PTGES: variants seen among roughly 807,000 people sequenced by gnomAD.
The protein encoded by PTGES is prostaglandin E synthase, also known as MGST1-like 1.
PTGES carries 3 observed loss-of-function variants against 11.8 expected under a neutral mutation model. The ratio of observed to expected loss-of-function variants is 0.25; its 90% CI spans 0.12 to 0.66. PTGES has a LOEUF of 0.66. Ranked by LOEUF, PTGES falls within the 30% of genes least tolerant of loss-of-function variation. PTGES has a pLI of 0.82. For synonymous variants in PTGES, 94 were observed against 90.4 expected, an observed-to-expected ratio of 1.04 and a Z score of -0.22; for missense variants, 180 against 213.0, an observed-to-expected ratio of 0.85 and a Z score of 0.96.
chr9:129,739,406 A>AG lies in PTGES; in HGVS notation c.*204dup. The stretch of plus-strand genomic sequence containing the variant: ...ATCAGCCACTTCGTGCAGGAATCCA[A>AG]GGGGCTAAGAAACATACACACACAC... On this transcript the variant is annotated 3_prime_UTR_variant, in exon 3 of 3. Coordinates refer to ENST00000340607, the MANE Select transcript of PTGES (RefSeq NM_004878.5). This position sits in a 1 kb window ranked among gnomAD's most constrained non-coding sequence, Gnocchi z 5.7. 1.5e-6 allele frequency: 1 copy of AG among 660,096 alleles called. No homozygotes were observed. Among genetic ancestry groups the AG allele is most frequent in the Non-Finnish European group, 2.5e-6 (1 of 403,930 alleles). The allele number at this position is 660,096 out of a possible 1,614,324, so 40.9% of individuals were successfully genotyped here.
In PTGES at chr9:129,745,069, A is replaced by G. The variant is rs532874620; in HGVS notation, c.209+3586T>C. Among the ~76,000 whole-genome samples, 1 of 152,196 alleles carries G rather than the reference A, an allele frequency of 6.6e-6. No homozygotes were observed. Among genetic ancestry groups the G allele is most frequent in the African/African-American group, 2.4e-5 (1 of 41,522 alleles). ...GACATCTAAGGGACTTCTAGGGCTG[A>G]CATTTTGGGACCCAATTTCCTGACA... On this transcript the variant is annotated intron_variant, in intron 2 of 2. Coordinates refer to ENST00000340607, the MANE Select transcript of PTGES (RefSeq NM_004878.5). The surrounding 1 kb of genome is among the most constrained non-coding windows in gnomAD (Gnocchi z 4.2).
chr9:129,743,581 C>T (rs1204706315), intron 2 of PTGES, among the ~76,000 whole-genome samples: 1 of 152,188 alleles, frequency 6.6e-6, no homozygotes, highest in Admixed American at 6.5e-5. Context: ...ATGGCCAGGA[C>T]AGGGACAGCT....
chr9:129,748,645 A>G lies in PTGES; in HGVS notation c.209+10T>C. On this transcript the variant is annotated intron_variant, in intron 2 of 2. Transcript: ENST00000340607. ...CAGGTGTGGCCAGGCCAGGGGCCCG[A>G]AGTACTTGCCTGAGGCAGCGTTCCA... 6.4e-7 allele frequency: 1 copy of G among 1,566,840 alleles called. No individual in the cohort carries two copies. Among genetic ancestry groups the G allele is most frequent in the Admixed American group, 2.0e-5 (1 of 49,136 alleles).
At chr9:129,746,727 C>T (rs113931867) in intron 2 of PTGES, among the ~76,000 whole-genome samples, 356 of 152,294 alleles carry the variant, frequency 2.3e-3, no homozygotes, top group African/African-American at 8.0e-3. Flanking sequence ...GTCCAGCTCT[C>T]CGTCCTCCCC....
rs1386239759 is a variant in PTGES, at chr9:129,745,982, C to T, written c.209+2673G>A. 2.7e-5 allele frequency among the ~76,000 whole-genome samples: 4 copies of T among 150,896 alleles called. No homozygotes were observed. The highest frequency in any genetic ancestry group is 9.8e-5 in the African/African-American group (4 of 40,952). Reference sequence around the variant, plus strand: ...CCGGGAGGCAGAGGTTGCAGAGAGCCGAGATCGTGCCATTGCATTTCAGCC... The same window carrying T: ...CCGGGAGGCAGAGGTTGCAGAGAGCTGAGATCGTGCCATTGCATTTCAGCC... On this transcript the variant is annotated intron_variant, in intron 2 of 2. Coordinates refer to ENST00000340607, the MANE Select transcript of PTGES (RefSeq NM_004878.5). The surrounding 1 kb of genome is among the most constrained non-coding windows in gnomAD (Gnocchi z 4.2).
intron 2 of PTGES, among the ~76,000 whole-genome samples, chr9:129,740,073 G>A (rs1832980691): frequency 6.6e-6 from 1 of 151,992 alleles, no homozygotes; most frequent in Non-Finnish European, 1.5e-5. Context: ...AGCAGCTGAG[G>A]CAGCGAGGCC....
intron 1 of PTGES, among the ~76,000 whole-genome samples, chr9:129,749,319 C>A (rs1461859512): frequency 6.6e-6 from 1 of 151,984 alleles, no homozygotes; most frequent in Non-Finnish European, 1.5e-5. Context: ...GAGTTTGAGA[C>A]CAACCCGGGC....
At position 129,742,669 on chromosome 9, in the gene PTGES, C is replaced by T. The variant is rs569663182; in HGVS notation, c.210-2809G>A. ...CGGGCGGATCACGAGGTCAGGAGATCGAGACCATCCTGGCTGATATGGTGA... is the reference window on the plus strand; with the variant it reads ...CGGGCGGATCACGAGGTCAGGAGATTGAGACCATCCTGGCTGATATGGTGA... On this transcript the variant is annotated intron_variant, in intron 2 of 2. Transcript: ENST00000340607. Among the ~76,000 whole-genome samples, 27 of 152,030 alleles carry T rather than the reference C, an allele frequency of 1.8e-4. No homozygotes were observed. The South Asian group carries it at 5.0e-3, about 28-fold the overall frequency.
chr9:129,743,523 G>A (rs1330871123), intron 2 of PTGES, among the ~76,000 whole-genome samples: 1 of 152,178 alleles, frequency 6.6e-6, no homozygotes, highest in Admixed American at 6.5e-5. Context: ...TTCCACACCA[G>A]CTGCATTTTC....
Position 129,752,946 on chromosome 9 carries a change from G to A in PTGES, c.67C>T (p.Leu23=). Residue 23 remains leucine, a synonymous_variant, in exon 1 of 3, where the codon CTG becomes TTG. Coordinates refer to ENST00000340607, the MANE Select transcript of PTGES (RefSeq NM_004878.5). ...GCCACCACGTACATCTTGATGACCA[G>A]CAGCGTGCTGCAGAGCAGGAAGGCC... ...LPAFLLCSTL[L]VIKMYVVAII... 1 of 1,613,042 alleles carries A rather than the reference G, an allele frequency of 6.2e-7. No individual in the cohort carries two copies. Among genetic ancestry groups the A allele is most frequent in the Non-Finnish European group, 8.5e-7 (1 of 1,180,046 alleles).
intron 1 of PTGES, among the ~76,000 whole-genome samples, chr9:129,752,678 G>A (rs573481230): frequency 2.2e-4 from 33 of 152,370 alleles, no homozygotes; most frequent in African/African-American, 7.2e-4. Context: ...CACGGCAAGC[G>A]AGTAAGTGCT....
intron 2 of PTGES, among the ~76,000 whole-genome samples, chr9:129,740,929 C>G (rs1304513445): frequency 1.3e-5 from 2 of 152,234 alleles, no homozygotes; most frequent in African/African-American, 4.8e-5. Context: ...ATACATTCCA[C>G]CAATAACACC....
chr9:129,751,829 CAG>C (rs1833113308), intron 1 of PTGES, among the ~76,000 whole-genome samples: 1 of 152,186 alleles, frequency 6.6e-6, no homozygotes, highest in Non-Finnish European at 1.5e-5. Context: ...CCCCTGCCCT[CAG>C]GGCTGTGGCG....
At position 129,745,131 on chromosome 9, in the gene PTGES, C is replaced by A. The variant is rs1833038336; in HGVS notation, c.209+3524G>T. 6.6e-6 allele frequency among the ~76,000 whole-genome samples: 1 copy of A among 152,006 alleles called. No homozygotes were observed. Among genetic ancestry groups the A allele is most frequent in the South Asian group, 2.1e-4 (1 of 4,810 alleles). ...TCAGTTTAAGTCTATACACTCCAAA[C>A]AGAAATGCTCCAAGCTTAGGTCGCA... On this transcript the variant is annotated intron_variant, in intron 2 of 2. Transcript: ENST00000340607. The surrounding 1 kb of genome is among the most constrained non-coding windows in gnomAD (Gnocchi z 4.2).
chr9:129,739,744 C>G lies in PTGES; in HGVS notation c.326G>C (p.Gly109Ala), dbSNP rs1832976644. Residue 109 changes from glycine to alanine, a missense_variant, in exon 3 of 3, where the codon GGC (glycine) becomes GCC (alanine). Gly to Ala is a moderately conservative substitution (Grantham distance 60). Transcript: ENST00000340607. The surrounding 1 kb of genome is among the most constrained non-coding windows in gnomAD (Gnocchi z 5.7). Reference protein sequence around the residue: ...AWMHFLVFLVGRVAHTVAYLG... With the variant: ...AWMHFLVFLVARVAHTVAYLG... ...GTAGGCCACGGTGTGTGCCACACGGCCCACGAGGAAGACCAGGAAGTGCAT... is the reference window on the plus strand; with the variant it reads ...GTAGGCCACGGTGTGTGCCACACGGGCCACGAGGAAGACCAGGAAGTGCAT... 1.3e-6 allele frequency: 2 copies of G among 1,581,304 alleles called. No individual in the cohort carries two copies. Among genetic ancestry groups the G allele is most frequent in the Admixed American group, 3.6e-5 (2 of 55,036 alleles).
Position 129,745,718 on chromosome 9 carries a change from C to A in PTGES, c.209+2937G>T, listed in dbSNP as rs1211792889. On this transcript the variant is annotated intron_variant, in intron 2 of 2. Coordinates refer to ENST00000340607, the MANE Select transcript of PTGES (RefSeq NM_004878.5). The surrounding 1 kb of genome is among the most constrained non-coding windows in gnomAD (Gnocchi z 4.2). ...CTGAAATGAATTTCTACCATTTAAA[C>A]CCCAGTACTGTAGATGAGGGGTTAT... is the stretch of plus-strand genomic sequence containing the variant. 6.6e-6 allele frequency among the ~76,000 whole-genome samples: 1 copy of A among 152,140 alleles called. No individual in the cohort carries two copies. Among genetic ancestry groups the A allele is most frequent in the Admixed American group, 6.5e-5 (1 of 15,272 alleles).
rs1250858987 is a variant in PTGES at position 129,748,701 on chromosome 9, C to G, written c.163G>C (p.Gly55Arg). 1.3e-6 allele frequency: 2 copies of G among 1,587,936 alleles called. No individual in the cohort carries two copies. Among genetic ancestry groups the G allele is most frequent in the Non-Finnish European group, 1.7e-6 (2 of 1,170,734 alleles). Residue 55 changes from glycine to arginine, a missense_variant, in exon 2 of 3, where the codon GGC (glycine) becomes CGC (arginine). Coordinates refer to ENST00000340607, the MANE Select transcript of PTGES (RefSeq NM_004878.5). ...GGGTCGCTCCTGCAATACTGGGGGC[C>G]TCCGTGTCTCAGGGCATCCTCGGGG... ...ANPEDALRHG[G>R]PQYCRSDPDV...
chr9:129,750,588 C>A (rs940012383), intron 1 of PTGES, among the ~76,000 whole-genome samples: 1 of 152,196 alleles, frequency 6.6e-6, no homozygotes, highest in Non-Finnish European at 1.5e-5. Flanking sequence ...GGCCAGGAAG[C>A]CCCCAGTGTC....
intron 1 of PTGES, among the ~76,000 whole-genome samples, chr9:129,752,114 G>C (rs985240224): frequency 6.6e-6 from 1 of 152,238 alleles, no homozygotes; most frequent in Non-Finnish European, 1.5e-5. Flanking sequence ...CAGTGCCAGA[G>C]CCAGCCTTGC....
Sources: gnomAD v4.1 joint callset for allele counts (sites outside exome capture counted in the v4.1 genomes callset) on GRCh38, gnomAD v4.1.1 for gene constraint, Gnocchi (gnomAD v3.1) non-coding constraint, MANE v1.5 for transcripts, NCBI Gene and HGNC (gene_info 2026-07-23, HGNC 2026-07-21) for gene names.